The following VAMP7 variants were observed in gnomAD, a reference collection of about 807,000 sequenced individuals.
VAMP7 encodes the protein vesicle associated membrane protein 7.
Under a neutral mutation model 29.6 loss-of-function variants are expected in VAMP7, and 14 were observed. The observed-to-expected ratio is 0.47, with a 90% CI of 0.31 to 0.74. The LOEUF is 0.74. Ranked by LOEUF, VAMP7 falls within the 30% of genes least tolerant of loss-of-function variation. The pLI, the probability that VAMP7 is intolerant of heterozygous loss-of-function variation, is 0.05. For synonymous variants in VAMP7, 95 were observed against 88.1 expected, an observed-to-expected ratio of 1.08 and a Z score of -0.44; for missense variants, 223 against 262.4, an observed-to-expected ratio of 0.85 and a Z score of 1.04.
At chrX:155,885,034 T>C (rs140920538) in intron 1 of VAMP7, among the ~76,000 whole-genome samples, 128 of 152,346 alleles carry the variant, frequency 8.4e-4, no homozygotes, top group Non-Finnish European at 1.6e-3. Context: ...TTTACACTGT[T>C]ATGCCAACCA....
intron 6 of VAMP7, 138 bp from the exon 7 acceptor site, chrX:155,939,563 G>C (rs2066712938): frequency 1.4e-6 from 1 of 715,042 alleles, no homozygotes; most frequent in African/African-American, 1.8e-5. Flanking sequence ...TATTGAGTAT[G>C]AATGGCCAGT....
intron 5 of VAMP7, among the ~76,000 whole-genome samples, chrX:155,901,721 A>G (rs2066065226): frequency 6.6e-6 from 1 of 152,030 alleles, no homozygotes; most frequent in Non-Finnish European, 1.5e-5. Context: ...GTTCTGTTCC[A>G]TTGATCTATA....
intron 6 of VAMP7, among the ~76,000 whole-genome samples, chrX:155,936,372 G>A: frequency 6.6e-6 from 1 of 152,312 alleles, no homozygotes; most frequent in Non-Finnish European, 1.5e-5. Context: ...CGGCAGCTTT[G>A]TTTACCTACT....
chrX:155,919,341 C>G (rs1357981079), intron 5 of VAMP7, among the ~76,000 whole-genome samples: 1 of 152,036 alleles, frequency 6.6e-6, no homozygotes, highest in Non-Finnish European at 1.5e-5. Context: ...TGCATGTGTC[C>G]TGGGATTTAT....
At chrX:155,896,622 G>A (rs1208521541) in intron 3 of VAMP7, among the ~76,000 whole-genome samples, 5 of 152,042 alleles carry the variant, frequency 3.3e-5, no homozygotes, top group East Asian at 1.9e-4. Flanking sequence ...ATTCATGTCC[G>A]GAGTAGAGGG....
intron 6 of VAMP7, among the ~76,000 whole-genome samples, chrX:155,925,695 G>T (rs1319086260): frequency 6.6e-6 from 1 of 152,212 alleles, no homozygotes; most frequent in Non-Finnish European, 1.5e-5. Flanking sequence ...ATAGATAAGA[G>T]ACAAATGGTT....
intron 5 of VAMP7, among the ~76,000 whole-genome samples, chrX:155,913,074 G>C (rs759632749): frequency 8.5e-5 from 13 of 152,198 alleles, no homozygotes; most frequent in African/African-American, 3.1e-4. Flanking sequence ...ATTCTTACTG[G>C]TGTGAGAGGA....
At chrX:155,932,654 A>G (rs1229443007) in intron 6 of VAMP7, among the ~76,000 whole-genome samples, 1 of 152,204 alleles carries the variant, frequency 6.6e-6, no homozygotes, top group African/African-American at 2.4e-5. Flanking sequence ...ATCTGCAAAC[A>G]GGGACAATTT....
chrX:155,906,739 A>T (rs1217847031), intron 5 of VAMP7, among the ~76,000 whole-genome samples: 6 of 152,148 alleles, frequency 3.9e-5, no homozygotes, highest in Non-Finnish European at 7.3e-5. Flanking sequence ...CTCTATATAG[A>T]ATCATGCTAC....
At position 155,919,803 on chromosome X, in the gene VAMP7, A is replaced by G. The variant is rs779566687; in HGVS notation, c.434-10A>G. 11 of 1,608,420 alleles carry G rather than the reference A, an allele frequency of 6.8e-6. No homozygotes were observed. Among genetic ancestry groups the G allele is most frequent in the Admixed American group, 5.1e-5 (3 of 58,550 alleles). On this transcript the variant is annotated splice_polypyrimidine_tract_variant and intron_variant, in intron 5 of 7. Transcript: ENST00000286448. ...AAACTTGACCTTTTCTACTTTTCCA[A>G]TATTTTCAGATCTGGTAGCTCAGCG... is the stretch of plus-strand genomic sequence containing the variant.
intron 5 of VAMP7, among the ~76,000 whole-genome samples, chrX:155,914,314 C>A (rs2066280252): frequency 1.3e-5 from 2 of 152,110 alleles, no homozygotes; most frequent in African/African-American, 4.8e-5. Flanking sequence ...CAAAGAGAGA[C>A]AATTTGACTT....
intron 5 of VAMP7, among the ~76,000 whole-genome samples, chrX:155,915,961 A>T (rs780095443): frequency 6.6e-6 from 1 of 152,300 alleles, no homozygotes; most frequent in African/African-American, 2.4e-5. Flanking sequence ...TGGGTGTTAA[A>T]GTCTCCTACT....
In VAMP7 at chrX:155,923,826, T is replaced by A. The variant is rs372425270; in HGVS notation, c.501+3946T>A. ...ATTTTTAAGTCTTTTTTCCACTATG[T>A]TTCATTTAGAATAGTTTCTATTGCT... On this transcript the variant is annotated intron_variant, in intron 6 of 7. Coordinates refer to ENST00000286448, the MANE Select transcript of VAMP7 (RefSeq NM_005638.6). Among the ~76,000 whole-genome samples, 414 of 152,230 alleles carry A rather than the reference T, an allele frequency of 2.7e-3. 1 individual carries two copies. The highest frequency in any genetic ancestry group is 9.6e-3 in the African/African-American group (398 of 41,560).
At chrX:155,931,286 A>G (rs1434775088) in intron 6 of VAMP7, among the ~76,000 whole-genome samples, 1 of 152,172 alleles carries the variant, frequency 6.6e-6, no homozygotes, top group African/African-American at 2.4e-5. Flanking sequence ...GAATCGCCAC[A>G]CTGTCTTTCA....
rs150809032 is a variant in VAMP7, at chrX:155,929,323, G to T, written c.501+9443G>T. The stretch of plus-strand genomic sequence containing the variant: ...AGGCAGTATCTAATTTGTTTACCAA[G>T]AATTTACATTAAAATAGCATAAGCT... On this transcript the variant is annotated intron_variant, in intron 6 of 7. Transcript: ENST00000286448. Among the ~76,000 whole-genome samples, 298 of 152,288 alleles carry T rather than the reference G, an allele frequency of 2.0e-3. 5 individuals are homozygous for T. The highest frequency in any genetic ancestry group is 3.4e-3 in the Middle Eastern group (1 of 294).
intron 1 of VAMP7, among the ~76,000 whole-genome samples, chrX:155,882,987 A>G (rs760478956): frequency 6.6e-6 from 1 of 152,152 alleles, no homozygotes; most frequent in Admixed American, 6.5e-5. Flanking sequence ...ACATTAAGAC[A>G]TTTCCTGAGC....
intron 2 of VAMP7, among the ~76,000 whole-genome samples, chrX:155,891,113 A>C (rs2065921029): frequency 6.6e-6 from 1 of 152,166 alleles, no homozygotes; most frequent in South Asian, 2.1e-4. Flanking sequence ...TATTGTTGAG[A>C]AGCTTCCACT....
chrX:155,893,995 C>CTG, intron 2 of VAMP7, among the ~76,000 whole-genome samples: 1 of 152,268 alleles, frequency 6.6e-6, no homozygotes, highest in South Asian at 2.1e-4. Context: ...AAGATTTTGC[C>CTG]TGAGTTCCTG....
intron 5 of VAMP7, among the ~76,000 whole-genome samples, chrX:155,908,920 G>A (rs1202706358): frequency 3.3e-5 from 5 of 151,832 alleles, no homozygotes; most frequent in East Asian, 1.9e-4. Context: ...CCTGGGCTCA[G>A]GTAATCTTCC....
Sources: allele counts gnomAD v4.1 joint callset (sites outside exome capture counted in the v4.1 genomes callset), GRCh38; gene constraint gnomAD v4.1.1; transcripts MANE v1.5; gene names NCBI Gene and HGNC (gene_info 2026-07-23, HGNC 2026-07-21).